Variants in PTPN4 observed in about 807,000 individuals in gnomAD.
PTPN4 encodes protein tyrosine phosphatase non-receptor type 4, also known as tyrosine-protein phosphatase non-receptor type 4.
Under a neutral mutation model 135.5 loss-of-function variants are expected in PTPN4, and 49 were observed. The observed-to-expected ratio is 0.36, with a 90% confidence interval of 0.29 to 0.46. The LOEUF (loss-of-function observed/expected upper bound fraction) is 0.46, where lower values mean the gene tolerates loss of function less well. Ranked by LOEUF, PTPN4 falls within the 20% of genes least tolerant of loss-of-function variation. The pLI is 1.00. For missense variants in PTPN4, 860 were observed against 1,101.0 expected (o/e 0.78, Z 3.10); for synonymous variants, 333 against 369.9 (o/e 0.90, Z 1.14).
intron 2 of PTPN4, among the ~76,000 whole-genome samples, chr2:119,854,555 G>A (rs1249134150): frequency 1.3e-5 from 2 of 152,108 alleles, no homozygotes; most frequent in Admixed American, 6.5e-5. Flanking sequence ...GAGCAGCTAG[G>A]GTTCCTCTTG....
intron 1 of PTPN4, among the ~76,000 whole-genome samples, chr2:119,777,820 A>C (rs945034813): frequency 3.3e-5 from 5 of 150,932 alleles, no homozygotes; most frequent in Admixed American, 1.3e-4. Context: ...ATGCCCAGCT[A>C]ATTTTTTTTT....
chr2:119,943,621 T>A (rs924232060), intron 15 of PTPN4, among the ~76,000 whole-genome samples: 4 of 135,628 alleles, frequency 2.9e-5, no homozygotes, highest in African/African-American at 1.1e-4. Flanking sequence ...AGTCTTGCTC[T>A]GTCGCCCAAG....
chr2:119,838,006 G>A (rs1032957207), intron 2 of PTPN4, among the ~76,000 whole-genome samples: 6 of 152,358 alleles, frequency 3.9e-5, no homozygotes, highest in South Asian at 2.1e-4. Context: ...AATCCAGGCC[G>A]GTAGCGCGAG....
chr2:119,795,066 C>T (rs1238550982), intron 1 of PTPN4, among the ~76,000 whole-genome samples: 3 of 152,108 alleles, frequency 2.0e-5, no homozygotes, highest in African/African-American at 7.2e-5. Flanking sequence ...GTTGTCTCCT[C>T]AGCTCTGAGC....
At position 119,920,196 on chromosome 2, in the gene PTPN4, A is replaced by T; in HGVS notation, c.956A>T (p.Asn319Ile). The T allele has an allele frequency of 1.2e-6, 2 of 1,613,084 alleles. No homozygotes were observed. The highest frequency in any genetic ancestry group is 1.7e-6 in the Non-Finnish European group (2 of 1,179,580). Residue 319 changes from asparagine (N) to isoleucine (I), a missense_variant, in exon 12 of 27, where the codon AAT becomes ATT. Physicochemically the swap from Asn to Ile is moderately radical, Grantham distance 149. Around this residue, in one of 2 missense-constraint regions of PTPN4, gnomAD observed 684 missense variants for 807.0 expected, o/e 0.85. Coordinates refer to ENST00000263708, the MANE Select transcript of PTPN4 (RefSeq NM_002830.4). ...GACAGACCACTTCCACCTCAAAAGA[A>T]TTTTTTTGCACATTATTTTACATTA... ...RLDRPLPPQK[N>I]FFAHYFTLGS...
In PTPN4 at chr2:119,971,123, A is replaced by T. The variant is rs182625279; in HGVS notation, c.2694+3151A>T. ...TAAAGAAAAGAGGCTTAATTGACTC[A>T]CAGTTCCCCAGGCTGTACAGGAAGC... On this transcript the variant is annotated intron_variant, in intron 26 of 26. Transcript: ENST00000263708. Among the ~76,000 whole-genome samples the T allele has an allele frequency of 4.7e-4, 71 of 152,352 alleles. 2 individuals carry two copies. The highest frequency in any genetic ancestry group is 4.6e-3 in the Admixed American group (70 of 15,306).
intron 26 of PTPN4, among the ~76,000 whole-genome samples, chr2:119,969,104 G>C (rs116105425): frequency 0.062 from 9,446 of 152,050 alleles, 427 homozygotes; most frequent in Non-Finnish European, 0.095. Flanking sequence ...ACTCACTGCA[G>C]CCTCAGCCTC....
intron 1 of PTPN4, among the ~76,000 whole-genome samples, chr2:119,784,696 A>ATTTTTTT (rs58879330): frequency 2.7e-5 from 3 of 110,166 alleles, no homozygotes; most frequent in Non-Finnish European, 5.4e-5. Flanking sequence ...TGCCCAGCTA[A>ATTTTTTT]TTTTTTTTTT....
chr2:119,868,961 C>T (rs934572756), intron 3 of PTPN4, among the ~76,000 whole-genome samples: 1 of 152,044 alleles, frequency 6.6e-6, no homozygotes, highest in Admixed American at 6.6e-5. Flanking sequence ...GAGCTGGTCT[C>T]GGCATATACC....
chr2:119,920,000 A>G, intron 11 of PTPN4, 69 bp from the exon 12 acceptor site: 1 of 1,518,390 alleles, frequency 6.6e-7, no homozygotes, highest in Non-Finnish European at 8.8e-7. Context: ...ATCTGTCAAA[A>G]GTAAATTAAA....
chr2:119,816,443 G>A (rs1324619287), intron 2 of PTPN4, among the ~76,000 whole-genome samples: 2 of 152,024 alleles, frequency 1.3e-5, no homozygotes, highest in African/African-American at 2.4e-5. Context: ...AGTGGTCCCC[G>A]ACCTTTTTGG....
intron 15 of PTPN4, among the ~76,000 whole-genome samples, chr2:119,943,580 C>CTTTTTTTTTTTTTTTTTTTTTT (rs70949374): frequency 2.5e-5 from 2 of 79,918 alleles, no homozygotes; most frequent in Non-Finnish European, 4.4e-5. Context: ...TCATTTTTTT[C>CTTTTTTTTTTTTTTTTTTTTTT]TTTTTTTTTT....
rs1202774441 is a variant in PTPN4, at chr2:119,801,497, G to A, written c.-17-8340G>A. Among the ~76,000 whole-genome samples, 3 of 152,148 alleles carry A rather than the reference G, an allele frequency of 2.0e-5. No homozygotes were observed. In the East Asian group the frequency reaches 5.8e-4, roughly 29 times the overall value. ...CCTGTATGCCTATTTGGAGAGAATTGACGTGTTTACTAGTTTGAATGTTCC... is the reference window on the plus strand; with the variant it reads ...CCTGTATGCCTATTTGGAGAGAATTAACGTGTTTACTAGTTTGAATGTTCC... On this transcript the variant is annotated intron_variant, in intron 1 of 26. Coordinates refer to ENST00000263708, the MANE Select transcript of PTPN4 (RefSeq NM_002830.4).
intron 11 of PTPN4, among the ~76,000 whole-genome samples, chr2:119,917,607 G>T (rs925631401): frequency 6.6e-6 from 1 of 152,050 alleles, no homozygotes; most frequent in Non-Finnish European, 1.5e-5. Context: ...GCACACACCT[G>T]TATTTCCCGT....
At chr2:119,965,362 A>G in intron 24 of PTPN4, 135 bp from the exon 25 acceptor site, 2 of 831,386 alleles carry the variant, frequency 2.4e-6, no homozygotes, top group Non-Finnish European at 3.6e-6. Context: ...CCTAGTGATC[A>G]ATGCTAAGTG....
At chr2:119,969,854 G>A (rs1574426542) in intron 26 of PTPN4, among the ~76,000 whole-genome samples, 2 of 151,808 alleles carry the variant, frequency 1.3e-5, no homozygotes, top group South Asian at 2.1e-4. Flanking sequence ...CACCACACCC[G>A]GCCATCAATT....
At chr2:119,886,187 G>T (rs1413946959) in intron 9 of PTPN4, among the ~76,000 whole-genome samples, 1 of 152,074 alleles carries the variant, frequency 6.6e-6, no homozygotes, top group Non-Finnish European at 1.5e-5. Flanking sequence ...AGGAAAAGTG[G>T]CTTTTGTATA....
intron 1 of PTPN4, among the ~76,000 whole-genome samples, chr2:119,767,934 T>C (rs991426524): frequency 3.3e-5 from 5 of 152,164 alleles, no homozygotes; most frequent in Admixed American, 6.5e-5. Context: ...TGAGAAGATA[T>C]CTGGGAGTGT....
intron 3 of PTPN4, among the ~76,000 whole-genome samples, chr2:119,871,675 T>C (rs1281930200): frequency 6.6e-6 from 1 of 152,152 alleles, no homozygotes; most frequent in Non-Finnish European, 1.5e-5. Context: ...AAAGGACTTT[T>C]ATGTTTTTTT....
Sources: gnomAD v4.1 joint callset for allele counts (sites outside exome capture counted in the v4.1 genomes callset) on GRCh38, gnomAD v4.1.1 for gene constraint, gnomAD v4.1.1 regional missense constraint, MANE v1.5 for transcripts, NCBI Gene and HGNC (gene_info 2026-07-23, HGNC 2026-07-21) for gene names.